The following CHD5 variants were observed in gnomAD, a reference collection of about 807,000 sequenced individuals.
CHD5 encodes the protein ATP-dependent chromatin remodeler CHD5.
A neutral mutation model predicts 230.3 loss-of-function variants in CHD5; 69 were observed. The observed-to-expected ratio is 0.30, with a 90% CI of 0.25 to 0.37. CHD5 has a LOEUF of 0.37. CHD5 is among the 10% of genes least tolerant of loss of function. The probability of loss-of-function intolerance (pLI) is 1.00; values close to 1 mark genes in which losing one functional copy is unlikely to be tolerated. For missense variants in CHD5, 1,827 were observed against 2,622.8 expected (o/e 0.70, Z 6.63); for synonymous variants, 1,064 against 1,065.9 (o/e 1.00, Z 0.03).
chr1:6,106,291 T>C lies in CHD5; in HGVS notation c.5858-4A>G. ...AGTCTCGAGGACGGCTAGATATCTG[T>C]CAAAAAAAGAGGAGAGCCGGGCTTG... is the stretch of plus-strand genomic sequence containing the variant. On this transcript the variant is annotated splice_polypyrimidine_tract_variant and splice_region_variant and intron_variant, in intron 40 of 41. Coordinates refer to ENST00000262450, the MANE Select transcript of CHD5 (RefSeq NM_015557.3). 6 of 1,612,554 alleles carry C rather than the reference T, an allele frequency of 3.7e-6. No homozygotes were observed. The highest frequency in any genetic ancestry group is 5.1e-6 in the Non-Finnish European group (6 of 1,179,924).
intron 15 of CHD5, 73 bp from the exon 16 acceptor site, chr1:6,136,938 C>A: frequency 3.4e-6 from 5 of 1,487,240 alleles, no homozygotes; most frequent in Non-Finnish European, 4.5e-6. Flanking sequence ...AGACAAAGAG[C>A]CAAGAAGGAG....
At chr1:6,179,741 T>A (rs1667484333) in intron 1 of CHD5, among the ~76,000 whole-genome samples, 1 of 276 alleles carries the variant, frequency 3.6e-3, no homozygotes, top group African/African-American at 0.011. Context: ...TTAGCCGCCC[T>A]CACGCCGGCC....
Position 6,154,933 on chromosome 1 carries a change from C to T in CHD5, c.507-35G>A, listed in dbSNP as rs1667058231. The stretch of plus-strand genomic sequence containing the variant: ...GAGAGGCAGGAGGGTGAGGGCAAGG[C>T]CAGGTGAGATGAGAGGCCCACCCGA... On this transcript the variant is annotated intron_variant, in intron 4 of 41. Coordinates refer to ENST00000262450, the MANE Select transcript of CHD5 (RefSeq NM_015557.3). The surrounding 1 kb of genome is among the most constrained non-coding windows in gnomAD (Gnocchi z 7.0). 6.3e-7 allele frequency: 1 copy of T among 1,591,748 alleles called. No individual in the cohort carries two copies. Among genetic ancestry groups the T allele is most frequent in the Non-Finnish European group, 8.6e-7 (1 of 1,164,980 alleles).
At chr1:6,133,410 C>G (rs1340087322) in intron 20 of CHD5, among the ~76,000 whole-genome samples, 1 of 152,238 alleles carries the variant, frequency 6.6e-6, no homozygotes, top group African/African-American at 2.4e-5. Context: ...AGGCGGCGGA[C>G]GCTGCTTTCA....
chr1:6,107,072 T>TGATGGAGG (rs58651602), intron 38 of CHD5, among the ~76,000 whole-genome samples: 12,626 of 63,818 alleles, frequency 0.2, 1,512 homozygotes, highest in East Asian at 0.42. Flanking sequence ...GATGGAAGGA[T>TGATGGAGG]GATGGAGGGG....
At chr1:6,113,109 AGTCCAACAG>A in intron 33 of CHD5, 111 bp from the exon 34 acceptor site, 1 of 752,662 alleles carries the variant, frequency 1.3e-6, no homozygotes, top group South Asian at 1.5e-5. Context: ...TGTTCCGCAG[AGTCCAACAG>A]GTGCCACCAA....
chr1:6,157,604 C>A (rs1238634440), intron 3 of CHD5, among the ~76,000 whole-genome samples: 3 of 152,208 alleles, frequency 2.0e-5, no homozygotes, highest in Non-Finnish European at 2.9e-5. Flanking sequence ...GTCTGCCCAT[C>A]CAGGCTGCGG....
intron 31 of CHD5, among the ~76,000 whole-genome samples, chr1:6,122,787 C>T (rs888213843): frequency 1.3e-5 from 2 of 152,144 alleles, no homozygotes; most frequent in Admixed American, 6.5e-5. Flanking sequence ...AAAACGTTAT[C>T]GGCCAGGCGC....
At chr1:6,123,721 G>A (rs1571145295) in intron 31 of CHD5, among the ~76,000 whole-genome samples, 1 of 152,186 alleles carries the variant, frequency 6.6e-6, no homozygotes, top group East Asian at 1.9e-4. Flanking sequence ...GAGCCACCGC[G>A]CCCAGCCAGT....
Position 6,149,399 on chromosome 1 carries a change from G to A in CHD5, c.1008C>T (p.Asp336=), listed in dbSNP as rs774082049. The A allele has an allele frequency of 2.5e-5, 40 of 1,608,954 alleles. No individual in the cohort carries two copies. Among genetic ancestry groups the A allele is most frequent in the East Asian group, 4.5e-5 (2 of 44,730 alleles). The change falls in exon 8 of 42, where the codon GAC becomes GAT. Residue 336 remains aspartate, a synonymous_variant. Transcript: ENST00000262450. ...AATCCTGGTGGTCTGTCTCATAGCC[G>A]TCACCATCATCAACTAGGGTAGGGG... is the stretch of plus-strand genomic sequence containing the variant. The part of the protein sequence containing the change: ...RRKKKRIDDG[D]GYETDHQDYC...
At chr1:6,149,808 T>C (rs1571160973) in intron 7 of CHD5, among the ~76,000 whole-genome samples, 1 of 145,356 alleles carries the variant, frequency 6.9e-6, no homozygotes, top group East Asian at 2.1e-4. Flanking sequence ...GATGGATGGA[T>C]AGGTGGATGG....
In CHD5 at chr1:6,144,055, C is replaced by T. The variant is rs867938398; in HGVS notation, c.1903G>A (p.Asp635Asn). 3.7e-5 allele frequency: 59 copies of T among 1,614,124 alleles called. No homozygotes were observed. The highest frequency in any genetic ancestry group is 4.6e-5 in the Non-Finnish European group (54 of 1,180,046). Residue 635 changes from aspartate (D) to asparagine (N), a missense_variant, in exon 12 of 42, where the codon GAC (aspartate) becomes AAC (asparagine). This residue lies in a region of CHD5 where 657 missense variants were observed against 816.4 expected (regional missense o/e 0.80). Transcript: ENST00000262450. ...EIDDIDIPYY[D>N]NLKQAYWGHR... ...CCCCAGTAGGCCTGCTTGAGGTTGT[C>T]GTAGTAGGGGATGTCGATGTCATCG...
In CHD5 at chr1:6,144,014, T is replaced by C. The variant is rs1170936695; in HGVS notation, c.1934+10A>G. 6.2e-7 allele frequency: 1 copy of C among 1,614,148 alleles called. No homozygotes were observed. Among genetic ancestry groups the C allele is most frequent in the Non-Finnish European group, 8.5e-7 (1 of 1,180,022 alleles). On this transcript the variant is annotated intron_variant, in intron 12 of 41. Coordinates refer to ENST00000262450, the MANE Select transcript of CHD5 (RefSeq NM_015557.3). ...AGCCTGTGCCTAGCAGCCGGATCCCTGCGACCCACCTGTGGCCCCAGTAGG... is the reference window on the plus strand; with the variant it reads ...AGCCTGTGCCTAGCAGCCGGATCCCCGCGACCCACCTGTGGCCCCAGTAGG...
At position 6,160,704 on chromosome 1, in the gene CHD5, C is replaced by T. The variant is rs1481783454; in HGVS notation, c.208-1189G>A. 3.2e-4 allele frequency among the ~76,000 whole-genome samples: 49 copies of T among 152,260 alleles called. 1 individual carries two copies. The highest frequency in any genetic ancestry group is 1.0e-4 in the Non-Finnish European group (7 of 68,048). On this transcript the variant is annotated intron_variant, in intron 2 of 41. Coordinates refer to ENST00000262450, the MANE Select transcript of CHD5 (RefSeq NM_015557.3). ...AAGCCCACCTTCCCCCTCTCCCACC[C>T]CATCCTGGCCGCTTCCTCTCCATAT...
At chr1:6,124,411 T>A (rs1666519926) in intron 30 of CHD5, 106 bp downstream of exon 30, 9 of 1,309,240 alleles carry the variant, frequency 6.9e-6, no homozygotes, top group Non-Finnish European at 8.8e-6. Context: ...TGGGCAGCTG[T>A]GTGGCCTGAA....
At chr1:6,159,718 A>G (rs1667137001) in intron 2 of CHD5, among the ~76,000 whole-genome samples, 1 of 152,268 alleles carries the variant, frequency 6.6e-6, no homozygotes, top group South Asian at 2.1e-4. Context: ...AGCCTGAGCC[A>G]AGTCTTGTCC....
intron 15 of CHD5, among the ~76,000 whole-genome samples, chr1:6,139,525 C>A (rs1666796198): frequency 6.6e-6 from 1 of 151,394 alleles, no homozygotes; most frequent in South Asian, 2.1e-4. Context: ...GGGTGAGCCA[C>A]CGTGCCCGGC....
rs1666642647 is a variant in CHD5, at chr1:6,130,809, C to G, written c.3263-481G>C. On this transcript the variant is annotated intron_variant, in intron 21 of 41. Transcript: ENST00000262450. The surrounding 1 kb of genome is among the most constrained non-coding windows in gnomAD (Gnocchi z 4.9). ...CTGTCACAGGATGGCTGGTTCTCAG[C>G]CTCTCAGGGCCCTTCAGTGACCTGG... Among the ~76,000 whole-genome samples the G allele has an allele frequency of 6.6e-6, 1 of 152,186 alleles. No homozygotes were observed. The highest frequency in any genetic ancestry group is 2.4e-5 in the African/African-American group (1 of 41,452).
chr1:6,110,912 A>G (rs1451402051), intron 36 of CHD5, among the ~76,000 whole-genome samples: 1 of 152,196 alleles, frequency 6.6e-6, no homozygotes, highest in Admixed American at 6.5e-5. Flanking sequence ...CCCTAAACTC[A>G]ATGACTGGGA....
Sources: gnomAD v4.1 joint callset for allele counts (sites outside exome capture counted in the v4.1 genomes callset) on GRCh38, gnomAD v4.1.1 for gene constraint, gnomAD v4.1.1 regional missense constraint, Gnocchi (gnomAD v3.1) non-coding constraint, MANE v1.5 for transcripts, NCBI Gene and HGNC (gene_info 2026-07-23, HGNC 2026-07-21) for gene names.